The following MYRIP variants were observed in gnomAD, a reference collection of about 807,000 sequenced individuals.
MYRIP encodes rab effector MyRIP.
Under a neutral mutation model 98.0 loss-of-function variants are expected in MYRIP, and 49 were observed. The observed-to-expected ratio is 0.50, with a 90% CI of 0.40 to 0.63. MYRIP has a LOEUF of 0.63. Among genes scored for constraint, MYRIP ranks in the 30% least tolerant of loss-of-function variants. The pLI is 0.00. For missense variants in MYRIP, 1,004 were observed against 1,058.2 expected, an observed-to-expected ratio of 0.95 and a Z score of 0.71; for synonymous variants, 404 against 409.5, an observed-to-expected ratio of 0.99 and a Z score of 0.16.
chr3:40,141,412 CTG>C (rs1164999968), intron 3 of MYRIP, among the ~76,000 whole-genome samples: 1 of 152,200 alleles, frequency 6.6e-6, no homozygotes, highest in Non-Finnish European at 1.5e-5. Context: ...TCTTTTCACT[CTG>C]TCAGTTGTTT....
At chr3:40,012,003 T>A (rs1344539514) in intron 2 of MYRIP, among the ~76,000 whole-genome samples, 2 of 152,190 alleles carry the variant, frequency 1.3e-5, no homozygotes, top group Admixed American at 1.3e-4. Flanking sequence ...ACCAATTAAA[T>A]AAAATGAAGC....
intron 1 of MYRIP, among the ~76,000 whole-genome samples, chr3:39,832,138 G>A (rs561762223): frequency 3.3e-5 from 5 of 152,160 alleles, no homozygotes; most frequent in Non-Finnish European, 7.4e-5. Flanking sequence ...ATGAGAACAT[G>A]GCTTTATTTA....
At position 39,917,480 on chromosome 3, in the gene MYRIP, A is replaced by T. The variant is rs1575377058; in HGVS notation, c.110+16554A>T. On this transcript the variant is annotated intron_variant, in intron 2 of 16. Coordinates refer to ENST00000302541, the MANE Select transcript of MYRIP (RefSeq NM_015460.4). Reference sequence around the variant, plus strand: ...ATAAAAAAATAGGAAAATTAAAAAAAAAAAAGCTGTTGAAACTTCCAAAAC... The same window carrying T: ...ATAAAAAAATAGGAAAATTAAAAAATAAAAAGCTGTTGAAACTTCCAAAAC... Among the ~76,000 whole-genome samples the T allele has an allele frequency of 3.3e-5, 5 of 150,912 alleles. No homozygotes were observed. In the South Asian group the frequency reaches 8.5e-4, roughly 26 times the overall value.
intron 9 of MYRIP, among the ~76,000 whole-genome samples, chr3:40,187,456 C>A (rs1951069911): frequency 6.6e-6 from 1 of 152,176 alleles, no homozygotes; most frequent in Non-Finnish European, 1.5e-5. Context: ...TAATTTCCTC[C>A]CTGAGCAGGC....
intron 3 of MYRIP, among the ~76,000 whole-genome samples, chr3:40,048,948 T>C (rs1285133233): frequency 6.6e-6 from 1 of 152,192 alleles, no homozygotes; most frequent in East Asian, 1.9e-4. Flanking sequence ...CAATTTATTG[T>C]ATGCATTCAT....
At chr3:40,218,617 T>TATATATATATATA (rs1952211839) in intron 11 of MYRIP, among the ~76,000 whole-genome samples, 1 of 10,946 alleles carries the variant, frequency 9.1e-5, no homozygotes, top group African/African-American at 2.0e-4. Context: ...ATATTTTATA[T>TATATATATATATA]ATATATATAT....
intron 3 of MYRIP, among the ~76,000 whole-genome samples, chr3:40,110,906 GT>G (rs1559404914): frequency 2.0e-5 from 3 of 151,750 alleles, no homozygotes; most frequent in African/African-American, 7.3e-5. Context: ...GTGTGTGTGT[GT>G]GTGTGTGTGT....
intron 3 of MYRIP, 60 bp downstream of exon 3, chr3:40,044,331 C>G: frequency 6.7e-7 from 1 of 1,503,016 alleles, no homozygotes; most frequent in East Asian, 2.3e-5. Flanking sequence ...TCACCTGCCA[C>G]TTCCTTCAGT....
chr3:39,878,477 C>T (rs1012138786), intron 1 of MYRIP, among the ~76,000 whole-genome samples: 3 of 152,052 alleles, frequency 2.0e-5, no homozygotes, highest in Non-Finnish European at 2.9e-5. Context: ...TGTTCCTATT[C>T]GGCCATCTTA....
chr3:40,159,567 C>G (rs1950330282), intron 4 of MYRIP, among the ~76,000 whole-genome samples: 2 of 151,812 alleles, frequency 1.3e-5, no homozygotes, highest in African/African-American at 4.8e-5. Context: ...GGAAGTTCTC[C>G]TGGATAATAT....
rs1437312001 is a variant in MYRIP at position 40,128,933 on chromosome 3, TTTGTATCAATAGTATTATTAGCA to T, written c.333-22108_333-22086del. Among the ~76,000 whole-genome samples, 29 of 152,338 alleles carry T rather than the reference TTTGTATCAATAGTATTATTAGCA, an allele frequency of 1.9e-4. 1 individual carries two copies. Among genetic ancestry groups the T allele is most frequent in the Admixed American group, 3.9e-4 (6 of 15,292 alleles). ...CACCTTGTATGTGTAATGATTTGAA[TTTGTATCAATAGTATTATTAGCA>T]TTGTATTTTCTTATAACTATTGTAT... On this transcript the variant is annotated intron_variant, in intron 3 of 16. Coordinates refer to ENST00000302541, the MANE Select transcript of MYRIP (RefSeq NM_015460.4).
Position 40,167,208 on chromosome 3 carries a change from C to G in MYRIP, c.698C>G (p.Thr233Ser). 1.2e-6 allele frequency: 2 copies of G among 1,614,186 alleles called. No individual in the cohort carries two copies. The highest frequency in any genetic ancestry group is 1.7e-6 in the Non-Finnish European group (2 of 1,180,036). The change falls in exon 7 of 17, where the codon ACT (threonine) becomes AGT (serine). Residue 233 changes from threonine to serine, a missense_variant. Around this residue, in one of 3 missense-constraint regions of MYRIP, gnomAD observed 880 missense variants for 907.7 expected, o/e 0.97. Coordinates refer to ENST00000302541, the MANE Select transcript of MYRIP (RefSeq NM_015460.4). ...CTGCGGGACCACAAGGAGGAGCTAA[C>G]TGAGGAACTGGCCACGACAATCCTG... ...SYLRDHKEEL[T>S]EELATTILQK... is the part of the protein sequence containing the mutation.
chr3:39,852,801 C>A (rs946475793), intron 1 of MYRIP, among the ~76,000 whole-genome samples: 1 of 151,954 alleles, frequency 6.6e-6, no homozygotes, highest in African/African-American at 2.4e-5. Flanking sequence ...CTCCTCTTCT[C>A]GAGATAGTCT....
At chr3:39,940,253 T>C (rs1294049666) in intron 2 of MYRIP, among the ~76,000 whole-genome samples, 1 of 152,122 alleles carries the variant, frequency 6.6e-6, no homozygotes, top group Non-Finnish European at 1.5e-5. Flanking sequence ...TTGGAGAATT[T>C]TTAATGATGA....
At chr3:40,152,798 A>G (rs1290010597) in intron 4 of MYRIP, among the ~76,000 whole-genome samples, 2 of 152,026 alleles carry the variant, frequency 1.3e-5, no homozygotes, top group African/African-American at 4.8e-5. Context: ...TTATATCCTC[A>G]TTATTGTACT....
At chr3:40,144,081 T>G (rs1949963926) in intron 3 of MYRIP, among the ~76,000 whole-genome samples, 1 of 152,232 alleles carries the variant, frequency 6.6e-6, no homozygotes, top group Non-Finnish European at 1.5e-5. Flanking sequence ...ATATTAGGAC[T>G]CTTGGTTGCA....
intron 2 of MYRIP, among the ~76,000 whole-genome samples, chr3:39,959,914 C>T (rs957801139): frequency 2.0e-5 from 3 of 152,022 alleles, no homozygotes; most frequent in Admixed American, 2.0e-4. Flanking sequence ...CAACTTAGTG[C>T]CCCCCATGTG....
At chr3:40,125,303 G>A (rs1268340808) in intron 3 of MYRIP, among the ~76,000 whole-genome samples, 1 of 152,186 alleles carries the variant, frequency 6.6e-6, no homozygotes, top group Non-Finnish European at 1.5e-5. Context: ...GTAAGCTTGA[G>A]GAGCAAGAAG....
chr3:40,038,221 T>C (rs1434440050), intron 2 of MYRIP, among the ~76,000 whole-genome samples: 2 of 152,140 alleles, frequency 1.3e-5, no homozygotes, highest in African/African-American at 4.8e-5. Context: ...ATAAAAAAAT[T>C]TCTTATTTAA....
Sources: gnomAD v4.1 joint callset for allele counts (sites outside exome capture counted in the v4.1 genomes callset) on GRCh38, gnomAD v4.1.1 for gene constraint, gnomAD v4.1.1 regional missense constraint, MANE v1.5 for transcripts, NCBI Gene and HGNC (gene_info 2026-07-23, HGNC 2026-07-21) for gene names.